Variants in CD160 observed in about 807,000 individuals in gnomAD.
CD160 encodes the protein CD160 antigen.
Under a neutral mutation model 19.2 loss-of-function variants are expected in CD160, and 11 were observed. The observed-to-expected ratio is 0.57, with a 90% CI of 0.36 to 0.95. The LOEUF (loss-of-function observed/expected upper bound fraction) is 0.95, where lower values mean the gene tolerates loss of function less well. Among genes scored for constraint, CD160 ranks in the 40% least tolerant of loss-of-function variants. CD160 has a pLI of 0.01. For synonymous variants in CD160, 75 were observed against 81.1 expected, an observed-to-expected ratio of 0.93 and a Z score of 0.40; for missense variants, 182 against 213.2, an observed-to-expected ratio of 0.85 and a Z score of 0.91.
intron 5 of CD160, chr1:145,736,782 G>A (rs587652450): frequency 6.4e-6 from 1 of 156,904 alleles, no homozygotes; most frequent in Non-Finnish European, 1.4e-5. Context: ...CAGAATGTAA[G>A]CTCTATATAT....
chr1:145,729,105 A>G (rs1347058829), intron 3 of CD160, among the ~76,000 whole-genome samples: 6 of 152,138 alleles, frequency 3.9e-5, no homozygotes, highest in African/African-American at 1.2e-4. Flanking sequence ...TCTAACAGAG[A>G]CCCTATAGAA....
At chr1:145,736,790 T>C (rs147547045) in intron 5 of CD160, 21 of 154,720 alleles carry the variant, frequency 1.4e-4, no homozygotes, top group Non-Finnish European at 2.7e-4. Context: ...AAGCTCTATA[T>C]ATATGTAAGG....
chr1:145,720,694 G>A (rs1656801041), intron 1 of CD160, among the ~76,000 whole-genome samples: 2 of 152,156 alleles, frequency 1.3e-5, no homozygotes, highest in South Asian at 4.1e-4. Flanking sequence ...ACTCTTCCTT[G>A]CCCTCTTGTC....
intron 3 of CD160, among the ~76,000 whole-genome samples, chr1:145,729,006 T>C (rs1657176295): frequency 6.6e-6 from 1 of 152,136 alleles, no homozygotes; most frequent in Non-Finnish European, 1.5e-5. Context: ...GTTTAACCAC[T>C]CTGTGCCTCA....
In CD160 at chr1:145,738,343, AG is replaced by A. The variant is rs1402379086; in HGVS notation, c.539-142del. The A allele has an allele frequency of 3.6e-5, 17 of 467,258 alleles. No homozygotes were observed. In the Admixed American group the frequency reaches 5.7e-4, roughly 16 times the overall value. The allele number at this position is 467,258 out of a possible 1,614,324, so 28.9% of individuals were successfully genotyped here. A position where few individuals can be genotyped will look rare whatever the true frequency, so the allele number is the denominator to read the frequency against. ...AGTAATAAGATGCAATACATAAAAT[AG>A]TTCCCACTTTCCTTTTCCAATCCCT... On this transcript the variant is annotated intron_variant, in intron 5 of 5. Coordinates refer to ENST00000369288, the MANE Select transcript of CD160 (RefSeq NM_007053.4).
At chr1:145,721,321 G>A (rs1245278919) in intron 1 of CD160, among the ~76,000 whole-genome samples, 1 of 152,178 alleles carries the variant, frequency 6.6e-6, no homozygotes, top group Admixed American at 6.5e-5. Context: ...TGGCTGAAAG[G>A]CAGCGCCCTC....
rs782472140 is a variant in CD160 at position 145,736,235 on chromosome 1, CA to C, written c.538+102del. On this transcript the variant is annotated intron_variant, in intron 5 of 5. Coordinates refer to ENST00000369288, the MANE Select transcript of CD160 (RefSeq NM_007053.4). ...GGAGGAGAAGGTTGGAAAGGATGTCCAGGGGGAGAGAAAAATGTTACTCAAG... is the reference window on the plus strand; with the variant it reads ...GGAGGAGAAGGTTGGAAAGGATGTCCGGGGGAGAGAAAAATGTTACTCAAG... 1.3e-5 allele frequency: 20 copies of C among 1,580,252 alleles called. No homozygotes were observed. In the African/African-American group the frequency reaches 1.9e-4, roughly 15 times the overall value.
chr1:145,732,321 C>T (rs1657328535), intron 4 of CD160, among the ~76,000 whole-genome samples: 1 of 152,146 alleles, frequency 6.6e-6, no homozygotes, highest in Admixed American at 6.5e-5. Flanking sequence ...AGAGGATGTG[C>T]TTCAGTAAAA....
intron 2 of CD160, 111 bp downstream of exon 2, chr1:145,725,017 G>T (rs1297060698): frequency 1.3e-5 from 2 of 151,798 alleles, no homozygotes; most frequent in Non-Finnish European, 2.9e-5. Context: ...TCCCACCTCG[G>T]CCTCCCAAAG....
At chr1:145,725,141 C>T (rs587629596) in intron 2 of CD160, among the ~76,000 whole-genome samples, 8 of 151,200 alleles carry the variant, frequency 5.3e-5, no homozygotes, top group Non-Finnish European at 1.0e-4. Flanking sequence ...CATACTAGGC[C>T]GGGCGTGGTG....
Position 145,730,944 on chromosome 1 carries a change from T to G in CD160, c.274T>G (p.Ser92Ala), listed in dbSNP as rs782398918. ...DPGIDGVGEISSQLMFTISQV... is the reference protein window; with the variant it reads ...DPGIDGVGEIASQLMFTISQV... Reference sequence around the variant, plus strand: ...TGGGATAGATGGTGTTGGTGAAATATCATCTCAGTTGATGTTCACCATAAG... The same window carrying G: ...TGGGATAGATGGTGTTGGTGAAATAGCATCTCAGTTGATGTTCACCATAAG... Residue 92 changes from serine (S) to alanine (A), a missense_variant, in exon 4 of 6, where the codon TCA becomes GCA. Coordinates refer to ENST00000369288, the MANE Select transcript of CD160 (RefSeq NM_007053.4). The G allele has an allele frequency of 1.9e-6, 3 of 1,613,936 alleles. No individual in the cohort carries two copies. Among genetic ancestry groups the G allele is most frequent in the Non-Finnish European group, 2.5e-6 (3 of 1,179,814 alleles).
At position 145,728,193 on chromosome 1, in the gene CD160, G is replaced by A. The variant is rs868928898; in HGVS notation, c.-72-63G>A. 4.6e-6 allele frequency: 3 copies of A among 652,952 alleles called. No individual in the cohort carries two copies. The Admixed American group carries it at 6.6e-5, about 14-fold the overall frequency. The allele number at this position is 652,952 out of a possible 1,614,324, so 40.4% of individuals were successfully genotyped here. On this transcript the variant is annotated intron_variant, in intron 2 of 5. Transcript: ENST00000369288. ...TCTAGCCAATCAAAGCTAGAGCCTG[G>A]GATGGGGAAATGGTCTTGGAACCCT...
Position 145,728,370 on chromosome 1 carries a change from C to T in CD160, c.43C>T (p.Leu15=), listed in dbSNP as rs782724650. ...CAGAGGCTGCTGTGCCCTGGCCATCCTGCTGGCAATTGTGGACATCCAGTC... is the reference window on the plus strand; with the variant it reads ...CAGAGGCTGCTGTGCCCTGGCCATCTTGCTGGCAATTGTGGACATCCAGTC... ...PGRGCCALAI[L]LAIVDIQSGG... Residue 15 remains leucine (L), a synonymous_variant, in exon 3 of 6, where the codon CTG becomes TTG. Transcript: ENST00000369288. The T allele has an allele frequency of 8.1e-6, 13 of 1,613,314 alleles. No individual in the cohort carries two copies. The highest frequency in any genetic ancestry group is 9.3e-6 in the Non-Finnish European group (11 of 1,179,528).
chr1:145,723,471 C>T (rs1352486159), intron 1 of CD160, among the ~76,000 whole-genome samples: 1 of 152,040 alleles, frequency 6.6e-6, no homozygotes, highest in Non-Finnish European at 1.5e-5. Flanking sequence ...TATGTATATA[C>T]ACTAATTTAG....
At chr1:145,720,455 G>T (rs587730725) in intron 1 of CD160, among the ~76,000 whole-genome samples, 1 of 152,138 alleles carries the variant, frequency 6.6e-6, no homozygotes, top group East Asian at 1.9e-4. Flanking sequence ...AGCTTCAAGG[G>T]CCCCCCAGCC....
intron 4 of CD160, among the ~76,000 whole-genome samples, chr1:145,733,091 T>C (rs1553709627): frequency 5.9e-5 from 9 of 152,100 alleles, no homozygotes; most frequent in Non-Finnish European, 8.8e-5. Flanking sequence ...TTTACAACTA[T>C]CTTACTTCTC....
chr1:145,735,345 G>A (rs1657438725), intron 4 of CD160, among the ~76,000 whole-genome samples: 3 of 152,088 alleles, frequency 2.0e-5, no homozygotes, highest in Non-Finnish European at 2.9e-5. Context: ...CAGCACTTAG[G>A]GAGGCCAAGG....
intron 4 of CD160, among the ~76,000 whole-genome samples, chr1:145,732,584 G>A (rs916038131): frequency 2.0e-5 from 3 of 151,954 alleles, no homozygotes; most frequent in Non-Finnish European, 4.4e-5. Context: ...AGAGAAAGAC[G>A]ACTCTGGAAG....
chr1:145,732,925 A>G (rs1363159334), intron 4 of CD160, among the ~76,000 whole-genome samples: 2 of 152,198 alleles, frequency 1.3e-5, no homozygotes, highest in African/African-American at 4.8e-5. Context: ...CTGTAGCAGA[A>G]AGCCAATAGA....
Sources: gnomAD v4.1 joint callset for allele counts (sites outside exome capture counted in the v4.1 genomes callset) on GRCh38, gnomAD v4.1.1 for gene constraint, MANE v1.5 for transcripts, NCBI Gene and HGNC (gene_info 2026-07-23, HGNC 2026-07-21) for gene names.